The following DGKB variants were observed in gnomAD, a reference collection of about 807,000 sequenced individuals.
The protein encoded by DGKB is 90 kDa diacylglycerol kinase.
In DGKB, 67 loss-of-function variants were observed where a neutral mutation model predicts 114.3. That is an observed-to-expected ratio of 0.59 (90% CI 0.48 to 0.72). DGKB has a LOEUF of 0.72. Among genes scored for constraint, DGKB ranks in the 30% least tolerant of loss-of-function variants. The pLI, the probability that DGKB is intolerant of heterozygous loss-of-function variation, is 0.00. For synonymous variants in DGKB, 398 were observed against 323.1 expected (o/e 1.23, Z -2.49); for missense variants, 907 against 975.2 (o/e 0.93, Z 0.93).
intron 2 of DGKB, among the ~76,000 whole-genome samples, chr7:14,805,592 C>T (rs1041217056): frequency 1.3e-5 from 2 of 151,922 alleles, no homozygotes; most frequent in Admixed American, 6.6e-5. Context: ...AACATGTGTG[C>T]GTATTTGGCT....
Position 14,161,779 on chromosome 7 carries a change from A to G in DGKB, c.2305-12541T>C, listed in dbSNP as rs1269484106. 2.0e-5 allele frequency among the ~76,000 whole-genome samples: 3 copies of G among 152,100 alleles called. No individual in the cohort carries two copies. In the East Asian group the frequency reaches 5.8e-4, roughly 29 times the overall value. On this transcript the variant is annotated intron_variant, in intron 25 of 25. Transcript: ENST00000402815. ...ATGTATACCTATGTAACAAACCTGC[A>G]CATTCTGCACATGGATCCTGGAACT...
chr7:14,517,970 C>T (rs1186137724), intron 20 of DGKB, among the ~76,000 whole-genome samples: 1 of 152,050 alleles, frequency 6.6e-6, no homozygotes, highest in Non-Finnish European at 1.5e-5. Flanking sequence ...GGTATACGCC[C>T]AAAGGGATAT....
chr7:14,149,201 A>G lies in DGKB; in HGVS notation c.2342T>C (p.Met781Thr), dbSNP rs1373989752. ...TAAACCGGTTTTTGGAGGCGGGCCC[A>G]TCAGCATTGGGGCTTGGTTCTTGTG... ...ITHKNQAPML[M>T]GPPPKTGLFC... The change falls in exon 26 of 26, where the codon ATG (methionine) becomes ACG (threonine). Residue 781 changes from methionine (M) to threonine (T), a missense_variant. Transcript: ENST00000402815. 2 of 1,613,512 alleles carry G rather than the reference A, an allele frequency of 1.2e-6. No individual in the cohort carries two copies. The highest frequency in any genetic ancestry group is 1.7e-5 in the Admixed American group (1 of 59,988).
intron 22 of DGKB, among the ~76,000 whole-genome samples, chr7:14,340,405 C>T (rs1317379906): frequency 6.6e-6 from 1 of 151,450 alleles, no homozygotes; most frequent in Non-Finnish European, 1.5e-5. Context: ...GTGGAATGTA[C>T]TGGCTGGATA....
At chr7:14,740,655 G>T (rs892317004) in intron 4 of DGKB, among the ~76,000 whole-genome samples, 1 of 152,132 alleles carries the variant, frequency 6.6e-6, no homozygotes, top group African/African-American at 2.4e-5. Context: ...ACTAATTCCT[G>T]CTGATTAAGC....
intron 25 of DGKB, chr7:14,176,385 T>G: frequency 3.0e-6 from 3 of 985,056 alleles, no homozygotes; most frequent in Non-Finnish European, 3.6e-6. Context: ...GAGAGAAATT[T>G]TTTTCTTATG....
intron 5 of DGKB, among the ~76,000 whole-genome samples, chr7:14,731,548 C>T (rs1830927809): frequency 6.6e-6 from 1 of 151,846 alleles, no homozygotes; most frequent in African/African-American, 2.4e-5. Context: ...ATATAAACAT[C>T]GGGTAGTAGG....
Position 14,621,775 on chromosome 7 carries a change from G to A in DGKB, c.1168-281C>T, listed in dbSNP as rs189117407. Reference sequence around the variant, plus strand: ...TGACTCTTTATCAAAAGTTACTAACGATTACTGAAGTTGATTATTTTCATA... The same window carrying A: ...TGACTCTTTATCAAAAGTTACTAACAATTACTGAAGTTGATTATTTTCATA... On this transcript the variant is annotated intron_variant, in intron 14 of 25. Transcript: ENST00000402815. 3.9e-4 allele frequency among the ~76,000 whole-genome samples: 59 copies of A among 152,030 alleles called. 1 individual carries two copies. The highest frequency in any genetic ancestry group is 1.6e-3 in the Admixed American group (24 of 15,222).
At chr7:14,279,162 C>T (rs573926582) in intron 23 of DGKB, among the ~76,000 whole-genome samples, 6 of 152,316 alleles carry the variant, frequency 3.9e-5, no homozygotes, top group South Asian at 4.1e-4. Context: ...CCGAATACTG[C>T]GCTTTTCCGA....
At chr7:14,953,177 C>T (rs911979594) in intron 1 of DGKB, among the ~76,000 whole-genome samples, 2 of 151,756 alleles carry the variant, frequency 1.3e-5, no homozygotes, top group African/African-American at 4.8e-5. Flanking sequence ...TTTACTAAAA[C>T]ATAAGCAAAA....
At chr7:14,875,696 T>C (rs1481725570) in intron 1 of DGKB, among the ~76,000 whole-genome samples, 2 of 152,294 alleles carry the variant, frequency 1.3e-5, no homozygotes, top group East Asian at 1.9e-4. Context: ...TTAATCCCAG[T>C]GAACAGATTA....
At chr7:14,374,367 C>G (rs1198134788) in intron 21 of DGKB, among the ~76,000 whole-genome samples, 8 of 152,320 alleles carry the variant, frequency 5.3e-5, no homozygotes, top group Non-Finnish European at 1.0e-4. Flanking sequence ...CCCATGGGCG[C>G]TCTTCCATAT....
At chr7:14,536,130 T>C (rs1216900792) in intron 20 of DGKB, among the ~76,000 whole-genome samples, 1 of 152,118 alleles carries the variant, frequency 6.6e-6, no homozygotes, top group African/African-American at 2.4e-5. Context: ...TAAAGATCGG[T>C]AATGAATAAA....
At chr7:14,844,319 T>C (rs1191560119) in intron 1 of DGKB, among the ~76,000 whole-genome samples, 1 of 152,192 alleles carries the variant, frequency 6.6e-6, no homozygotes, top group Non-Finnish European at 1.5e-5. Flanking sequence ...GGAGGCTATG[T>C]GTTAGGGATA....
rs1286631281 is a variant in DGKB at position 14,688,883 on chromosome 7, C to T, written c.712-3521G>A. ...TTTTCCATAAATAAAAATCTTTATCCTAGTGATTCTAAAGTTTTAGTTTTT... is the reference window on the plus strand; with the variant it reads ...TTTTCCATAAATAAAAATCTTTATCTTAGTGATTCTAAAGTTTTAGTTTTT... On this transcript the variant is annotated intron_variant, in intron 9 of 25. Transcript: ENST00000402815. 4.7e-5 allele frequency among the ~76,000 whole-genome samples: 7 copies of T among 149,894 alleles called. No individual in the cohort carries two copies. The South Asian group carries it at 1.5e-3, about 32-fold the overall frequency.
intron 13 of DGKB, among the ~76,000 whole-genome samples, chr7:14,650,608 C>T (rs1378726219): frequency 4.6e-5 from 4 of 86,540 alleles, no homozygotes; most frequent in Non-Finnish European, 9.1e-5. Context: ...AGAGCAAACA[C>T]ATTCAAAAGC....
chr7:14,645,972 C>T (rs1221732008), intron 13 of DGKB, among the ~76,000 whole-genome samples: 1 of 152,046 alleles, frequency 6.6e-6, no homozygotes, highest in Non-Finnish European at 1.5e-5. Flanking sequence ...AGAAACAAAA[C>T]AAATACAAAA....
At chr7:14,313,989 G>C (rs1805956495) in intron 23 of DGKB, among the ~76,000 whole-genome samples, 1 of 152,204 alleles carries the variant, frequency 6.6e-6, no homozygotes, top group Admixed American at 6.5e-5. Flanking sequence ...CCCCCGAGCA[G>C]TTTAACTGCG....
intron 2 of DGKB, among the ~76,000 whole-genome samples, chr7:14,806,792 T>C (rs991481952): frequency 2.0e-5 from 3 of 151,716 alleles, no homozygotes; most frequent in African/African-American, 4.9e-5. Flanking sequence ...GATGCTGCTA[T>C]TCTCAGATCA....
Sources: gnomAD v4.1 joint callset for allele counts (sites outside exome capture counted in the v4.1 genomes callset) on GRCh38, gnomAD v4.1.1 for gene constraint, MANE v1.5 for transcripts, NCBI Gene and HGNC (gene_info 2026-07-23, HGNC 2026-07-21) for gene names.